PDGFC: variants seen among roughly 807,000 people sequenced by gnomAD.
PDGFC encodes the protein platelet-derived growth factor C.
Under a neutral mutation model 35.5 loss-of-function variants are expected in PDGFC, and 12 were observed. The observed-to-expected ratio is 0.34, with a 90% CI of 0.22 to 0.55. PDGFC has a LOEUF of 0.55. Among genes scored for constraint, PDGFC ranks in the 20% least tolerant of loss-of-function variants. The pLI, the probability that PDGFC is intolerant of heterozygous loss-of-function variation, is 0.91. For synonymous variants in PDGFC, 159 were observed against 148.8 expected, an observed-to-expected ratio of 1.07 and a Z score of -0.50; for missense variants, 322 against 412.4, an observed-to-expected ratio of 0.78 and a Z score of 1.90.
chr4:156,825,551 AAAT>A (rs565531965), intron 2 of PDGFC, among the ~76,000 whole-genome samples: 5,035 of 93,488 alleles, frequency 0.054, 169 homozygotes, highest in Middle Eastern at 0.086. Context: ...CCCTGTCTCC[AAAT>A]AATAATAATA....
chr4:156,804,648 T>TA (rs1405637624), intron 3 of PDGFC, among the ~76,000 whole-genome samples: 1 of 152,022 alleles, frequency 6.6e-6, no homozygotes, highest in Non-Finnish European at 1.5e-5. Context: ...AGGGAGATAT[T>TA]ATATACATCT....
intron 3 of PDGFC, among the ~76,000 whole-genome samples, chr4:156,776,833 G>T (rs1014120947): frequency 6.6e-6 from 1 of 152,156 alleles, no homozygotes; most frequent in Non-Finnish European, 1.5e-5. Flanking sequence ...TGACTAAACT[G>T]CATAATCAAT....
At chr4:156,831,731 CACACCCGGCCA>C (rs1194739118) in intron 2 of PDGFC, among the ~76,000 whole-genome samples, 2 of 151,730 alleles carry the variant, frequency 1.3e-5, no homozygotes, top group African/African-American at 4.8e-5. Flanking sequence ...TGTGAGCTAC[CACACCCGGCCA>C]ACCCTGTCTC....
At chr4:156,895,352 C>T (rs909193857) in intron 1 of PDGFC, among the ~76,000 whole-genome samples, 4 of 152,016 alleles carry the variant, frequency 2.6e-5, no homozygotes, top group Admixed American at 6.6e-5. Context: ...GAGTGGGTGT[C>T]AGCTGGGAGC....
chr4:156,825,713 T>G (rs1180587808), intron 2 of PDGFC, among the ~76,000 whole-genome samples: 1 of 151,438 alleles, frequency 6.6e-6, no homozygotes, highest in Non-Finnish European at 1.5e-5. Flanking sequence ...ATAAGAAACT[T>G]GTAGTTTACT....
chr4:156,887,298 A>G (rs1730398745), intron 1 of PDGFC, among the ~76,000 whole-genome samples: 1 of 152,134 alleles, frequency 6.6e-6, no homozygotes, highest in South Asian at 2.1e-4. Flanking sequence ...TGATAAGGAG[A>G]CTTCCTTTAT....
intron 1 of PDGFC, among the ~76,000 whole-genome samples, chr4:156,904,881 G>C (rs991627892): frequency 6.6e-6 from 1 of 152,098 alleles, no homozygotes; most frequent in Non-Finnish European, 1.5e-5. Flanking sequence ...GCAGAGAATT[G>C]ATATGTTGTT....
In PDGFC at chr4:156,891,594, G is replaced by A. The variant is rs138455967; in HGVS notation, c.119-41178C>T. On this transcript the variant is annotated intron_variant, in intron 1 of 5. Transcript: ENST00000502773. ...TGAGGACATTATCCTGAAAGTCTTA[G>A]GAAGTGCTTTGAGAAACAGTGTTTT... 6.7e-3 allele frequency among the ~76,000 whole-genome samples: 1,021 copies of A among 152,276 alleles called. 8 individuals carry two copies. Among genetic ancestry groups the A allele is most frequent in the Non-Finnish European group, 0.01 (714 of 68,018 alleles).
intron 3 of PDGFC, among the ~76,000 whole-genome samples, chr4:156,792,236 T>C (rs1242054163): frequency 2.6e-5 from 4 of 152,156 alleles, no homozygotes; most frequent in South Asian, 2.1e-4. Context: ...CTATATAATA[T>C]ACAATTTGGA....
intron 1 of PDGFC, among the ~76,000 whole-genome samples, chr4:156,918,909 A>T (rs796099633): frequency 1.2e-4 from 19 of 152,330 alleles, no homozygotes; most frequent in African/African-American, 3.8e-4. Context: ...TGTACAGTTC[A>T]TGACGGTTTT....
At chr4:156,857,487 T>C (rs1378492164) in intron 1 of PDGFC, among the ~76,000 whole-genome samples, 1 of 152,112 alleles carries the variant, frequency 6.6e-6, no homozygotes, top group Non-Finnish European at 1.5e-5. Flanking sequence ...AAAAACACTT[T>C]GAAGTTCTCA....
At chr4:156,804,087 C>A (rs1731688652) in intron 3 of PDGFC, among the ~76,000 whole-genome samples, 1 of 120,102 alleles carries the variant, frequency 8.3e-6, no homozygotes, top group South Asian at 3.2e-4. Flanking sequence ...CTTTTTGTAA[C>A]CCTGAAAAAT....
At chr4:156,795,127 A>G (rs1468594414) in intron 3 of PDGFC, among the ~76,000 whole-genome samples, 2 of 152,224 alleles carry the variant, frequency 1.3e-5, no homozygotes, top group Admixed American at 6.5e-5. Context: ...TCCCAAAAGT[A>G]TTTATATCAC....
At chr4:156,860,759 C>A (rs1729691659) in intron 1 of PDGFC, among the ~76,000 whole-genome samples, 1 of 151,984 alleles carries the variant, frequency 6.6e-6, no homozygotes, top group African/African-American at 2.4e-5. Flanking sequence ...ATGATTTAAA[C>A]TTAAAGATCT....
At chr4:156,807,946 C>A (rs989904049) in intron 3 of PDGFC, among the ~76,000 whole-genome samples, 6 of 152,004 alleles carry the variant, frequency 3.9e-5, no homozygotes, top group Admixed American at 2.0e-4. Flanking sequence ...GCACTCAATT[C>A]TTTAACTTCA....
intron 1 of PDGFC, among the ~76,000 whole-genome samples, chr4:156,908,781 A>G (rs1579092721): frequency 6.6e-6 from 1 of 152,178 alleles, no homozygotes; most frequent in East Asian, 1.9e-4. Flanking sequence ...CTTATGTAAC[A>G]ATCAGACAAG....
chr4:156,879,106 T>A (rs909938990), intron 1 of PDGFC, among the ~76,000 whole-genome samples: 5 of 152,170 alleles, frequency 3.3e-5, no homozygotes, highest in African/African-American at 9.6e-5. Flanking sequence ...ACATAGCATA[T>A]CCTCAAAAAT....
At chr4:156,897,343 AGAGTGTAT>A (rs1730656617) in intron 1 of PDGFC, among the ~76,000 whole-genome samples, 11 of 103,364 alleles carry the variant, frequency 1.1e-4, no homozygotes, top group African/African-American at 3.5e-4. Flanking sequence ...AGAGTGTGTG[AGAGTGTAT>A]GTGTGTGTGT....
chr4:156,919,376 C>T (rs935155453), intron 1 of PDGFC, among the ~76,000 whole-genome samples: 1 of 152,120 alleles, frequency 6.6e-6, no homozygotes, highest in African/African-American at 2.4e-5. Context: ...TGGGGCAGTA[C>T]AAATAACTTA....
Sources: allele counts gnomAD v4.1 joint callset (sites outside exome capture counted in the v4.1 genomes callset), GRCh38; gene constraint gnomAD v4.1.1; transcripts MANE v1.5; gene names NCBI Gene and HGNC (gene_info 2026-07-23, HGNC 2026-07-21).